PRKCA: variants seen among roughly 807,000 people sequenced by gnomAD.
PRKCA encodes the protein protein kinase C alpha.
A neutral mutation model predicts 87.0 loss-of-function variants in PRKCA; 27 were observed. That is an observed-to-expected ratio of 0.31 (90% CI 0.23 to 0.43). PRKCA has a LOEUF of 0.43. Ranked by LOEUF, PRKCA falls within the 20% of genes least tolerant of loss-of-function variation. The pLI is 1.00. For synonymous variants in PRKCA, 329 were observed against 311.1 expected, an observed-to-expected ratio of 1.06 and a Z score of -0.61; for missense variants, 518 against 852.3, an observed-to-expected ratio of 0.61 and a Z score of 4.88.
chr17:66,760,574 G>A (rs1037545174), intron 13 of PRKCA, among the ~76,000 whole-genome samples: 1 of 152,086 alleles, frequency 6.6e-6, no homozygotes, highest in Admixed American at 6.6e-5. Flanking sequence ...ATAGAAAATA[G>A]AAAACAGGGA....
At chr17:66,521,195 T>G (rs11651708) in intron 3 of PRKCA, among the ~76,000 whole-genome samples, 2 of 152,022 alleles carry the variant, frequency 1.3e-5, no homozygotes, top group Non-Finnish European at 1.5e-5. Context: ...CAGTTTCTCT[T>G]GCAAGTATAT....
chr17:66,799,445 GTGGTGGTGA>G lies in PRKCA; in HGVS notation c.1855-4419_1855-4411del. The stretch of plus-strand genomic sequence containing the variant: ...GGTGATGGTGGTGGTGGTGATGGTG[GTGGTGGTGA>G]TGGTGGTGGTGGTGATGGTGGTGGT... On this transcript the variant is annotated intron_variant, in intron 16 of 16. Coordinates refer to ENST00000413366, the MANE Select transcript of PRKCA (RefSeq NM_002737.3). Among the ~76,000 whole-genome samples the G allele has an allele frequency of 3.9e-4, 2 of 5,068 alleles. 1 individual carries two copies. The highest frequency in any genetic ancestry group is 9.2e-4 in the Non-Finnish European group (2 of 2,164). 3.3% of individuals were successfully genotyped at this position (5,068 alleles called of 152,430 possible). A position where few individuals can be genotyped will look rare whatever the true frequency, so the allele number is the denominator to read the frequency against.
At position 66,803,065 on chromosome 17, in the gene PRKCA, G is replaced by A. The variant is rs765996992; in HGVS notation, c.1855-808G>A. Among the ~76,000 whole-genome samples, 7 of 152,202 alleles carry A rather than the reference G, an allele frequency of 4.6e-5. No individual in the cohort carries two copies. The highest frequency in any genetic ancestry group is 1.0e-4 in the Non-Finnish European group (7 of 68,044). On this transcript the variant is annotated intron_variant, in intron 16 of 16. Transcript: ENST00000413366. This position sits in a 1 kb window ranked among gnomAD's most constrained non-coding sequence, Gnocchi z 4.4. ...ACTTTTGGGGTCAGGCTACCAAGCC[G>A]TGCTGCCTAAGCGGCTGTGTGTCTC...
intron 2 of PRKCA, among the ~76,000 whole-genome samples, chr17:66,433,323 T>C (rs936581208): frequency 1.3e-5 from 2 of 152,228 alleles, no homozygotes; most frequent in East Asian, 3.9e-4. Flanking sequence ...TGGAGGCATC[T>C]TCTAATGAAA....
chr17:66,680,073 C>T (rs373939033), intron 5 of PRKCA, among the ~76,000 whole-genome samples: 8 of 152,290 alleles, frequency 5.3e-5, no homozygotes, highest in South Asian at 2.1e-4. Context: ...GTTGTGGAAG[C>T]GTCCTTCACT....
intron 2 of PRKCA, among the ~76,000 whole-genome samples, chr17:66,353,457 T>G (rs1907873806): frequency 6.6e-6 from 1 of 152,194 alleles, no homozygotes; most frequent in South Asian, 2.1e-4. Context: ...GACTCATACC[T>G]GTAATCCCAG....
At chr17:66,740,064 G>A (rs1974123947) in intron 11 of PRKCA, among the ~76,000 whole-genome samples, 1 of 152,158 alleles carries the variant, frequency 6.6e-6, no homozygotes. Flanking sequence ...AGAACTTATT[G>A]ACTATGGAGG....
chr17:66,676,476 C>T (rs1022904171), intron 5 of PRKCA: 11 of 152,322 alleles, frequency 7.2e-5, no homozygotes, highest in African/African-American at 2.7e-4. Context: ...GACAGGTCAG[C>T]TTGCTTGTGG....
intron 2 of PRKCA, among the ~76,000 whole-genome samples, chr17:66,371,388 T>C (rs1380947969): frequency 6.6e-6 from 1 of 152,168 alleles, no homozygotes; most frequent in Non-Finnish European, 1.5e-5. Context: ...CAGATCCACA[T>C]ATAAGACTCA....
At chr17:66,780,607 C>T (rs939310141) in intron 14 of PRKCA, among the ~76,000 whole-genome samples, 20 of 151,686 alleles carry the variant, frequency 1.3e-4, no homozygotes, top group African/African-American at 3.2e-4. Flanking sequence ...ACCTGGGAGG[C>T]GGAAGGTTGC....
At chr17:66,339,852 A>C (rs551317253) in intron 2 of PRKCA, 1 of 152,346 alleles carries the variant, frequency 6.6e-6, no homozygotes, top group South Asian at 2.1e-4. Flanking sequence ...AAATGTTTGC[A>C]TGGAAATGGC....
intron 16 of PRKCA, among the ~76,000 whole-genome samples, chr17:66,799,301 GTGA>G (rs1568042146): frequency 3.3e-5 from 2 of 60,616 alleles, no homozygotes; most frequent in Non-Finnish European, 3.6e-5. Context: ...GGTGGTGGTG[GTGA>G]TGGTGGTGGT....
intron 2 of PRKCA, among the ~76,000 whole-genome samples, chr17:66,314,580 C>G (rs565593873): frequency 6.6e-6 from 1 of 152,276 alleles, no homozygotes; most frequent in South Asian, 2.1e-4. Context: ...GCTGTTCCCC[C>G]TCCAGTATCC....
chr17:66,728,060 CAG>C (rs1973799185), intron 8 of PRKCA, among the ~76,000 whole-genome samples: 1 of 152,162 alleles, frequency 6.6e-6, no homozygotes, highest in Admixed American at 6.5e-5. Context: ...CCTACCATAA[CAG>C]AGCTGCTTTC....
At chr17:66,670,652 A>G (rs773199838) in intron 5 of PRKCA, among the ~76,000 whole-genome samples, 2 of 152,112 alleles carry the variant, frequency 1.3e-5, no homozygotes, top group Non-Finnish European at 2.9e-5. Flanking sequence ...GCTTGAACCC[A>G]GGAATTGAAG....
chr17:66,383,122 T>C (rs6504417), intron 2 of PRKCA, among the ~76,000 whole-genome samples: 87,315 of 152,066 alleles, frequency 0.57, 25,690 homozygotes, highest in Non-Finnish European at 0.65. Flanking sequence ...ATACTACATA[T>C]ATTCTAATTT....
At chr17:66,732,579 C>G in intron 8 of PRKCA, 109 bp from the exon 9 acceptor site, 1 of 1,359,462 alleles carries the variant, frequency 7.4e-7, no homozygotes, top group Non-Finnish European at 1.0e-6. Flanking sequence ...CTTTTCTCAC[C>G]CCATCCCACC....
chr17:66,648,777 G>T (rs1971514699), intron 5 of PRKCA, among the ~76,000 whole-genome samples: 2 of 152,094 alleles, frequency 1.3e-5, no homozygotes, highest in Admixed American at 1.3e-4. Context: ...TATAACTATA[G>T]TACCTGATAA....
intron 5 of PRKCA, among the ~76,000 whole-genome samples, chr17:66,658,282 C>T (rs1445125759): frequency 3.3e-5 from 5 of 152,094 alleles, no homozygotes; most frequent in African/African-American, 1.2e-4. Flanking sequence ...GAGTTCAAGA[C>T]CAGCCTGGCC....
Sources: allele counts gnomAD v4.1 joint callset (sites outside exome capture counted in the v4.1 genomes callset), GRCh38; gene constraint gnomAD v4.1.1; non-coding constraint Gnocchi (gnomAD v3.1); transcripts MANE v1.5; gene names NCBI Gene and HGNC (gene_info 2026-07-23, HGNC 2026-07-21).